The following ERBB4 variants were observed in gnomAD, a reference collection of about 807,000 sequenced individuals.
ERBB4 encodes receptor tyrosine-protein kinase erbB-4.
ERBB4 carries 42 observed loss-of-function variants against 158.0 expected under a neutral mutation model. The observed-to-expected ratio is 0.27, with a 90% CI of 0.21 to 0.34. The LOEUF (loss-of-function observed/expected upper bound fraction) is 0.34, where lower values mean the gene tolerates loss of function less well. ERBB4 is among the 10% of genes least tolerant of loss of function. ERBB4 has a pLI of 1.00. For synonymous variants in ERBB4, 583 were observed against 558.7 expected, an observed-to-expected ratio of 1.04 and a Z score of -0.61; for missense variants, 1,333 against 1,624.1, an observed-to-expected ratio of 0.82 and a Z score of 3.08.
chr2:212,338,471 G>A (rs10166488), intron 1 of ERBB4, among the ~76,000 whole-genome samples: 121,664 of 152,044 alleles, frequency 0.8, 48,881 homozygotes, highest in Middle Eastern at 0.87. Flanking sequence ...ATGTCTCATT[G>A]TGATGAAAAA....
At chr2:211,701,478 C>G (rs975440613) in intron 12 of ERBB4, among the ~76,000 whole-genome samples, 1 of 152,022 alleles carries the variant, frequency 6.6e-6, no homozygotes, top group Non-Finnish European at 1.5e-5. Context: ...GCAAGACGGC[C>G]GGGCGCGGTG....
At chr2:211,623,843 A>G in intron 18 of ERBB4, 79 bp downstream of exon 18, 2 of 1,412,264 alleles carry the variant, frequency 1.4e-6, no homozygotes, top group South Asian at 2.4e-5. Flanking sequence ...GGTTGTCTAA[A>G]GTAATAACTC....
intron 3 of ERBB4, among the ~76,000 whole-genome samples, chr2:211,832,157 C>T (rs1455693913): frequency 1.3e-5 from 2 of 152,026 alleles, no homozygotes; most frequent in African/African-American, 4.8e-5. Flanking sequence ...CATGTCACAG[C>T]ATTCAAATTA....
intron 20 of ERBB4, among the ~76,000 whole-genome samples, chr2:211,523,315 T>G (rs2066240723): frequency 6.7e-6 from 1 of 148,268 alleles, no homozygotes; most frequent in Admixed American, 6.9e-5. Context: ...AGCAGCTGCT[T>G]AGAAATCTAT....
chr2:211,566,563 AAG>A (rs1212327690), intron 19 of ERBB4, among the ~76,000 whole-genome samples: 3 of 152,286 alleles, frequency 2.0e-5, no homozygotes, highest in Non-Finnish European at 4.4e-5. Flanking sequence ...TGTAGTTATA[AAG>A]AGAGTATAGA....
intron 1 of ERBB4, among the ~76,000 whole-genome samples, chr2:212,425,628 T>C (rs550036554): frequency 6.6e-6 from 1 of 151,796 alleles, no homozygotes; most frequent in Non-Finnish European, 1.5e-5. Flanking sequence ...AGGACACATT[T>C]TTCAGATCTT....
chr2:211,866,175 C>T (rs914347486), intron 3 of ERBB4, among the ~76,000 whole-genome samples: 2 of 152,170 alleles, frequency 1.3e-5, no homozygotes, highest in African/African-American at 2.4e-5. Context: ...CGCCTGTACC[C>T]GGGAGGCGGG....
intron 1 of ERBB4, among the ~76,000 whole-genome samples, chr2:212,421,543 G>C (rs1001972833): frequency 1.8e-4 from 28 of 152,028 alleles, no homozygotes; most frequent in African/African-American, 6.5e-4. Flanking sequence ...ACTTTCCTTG[G>C]GAGCTGTCAT....
intron 12 of ERBB4, among the ~76,000 whole-genome samples, chr2:211,681,082 T>C (rs6435653): frequency 0.99 from 150,902 of 152,302 alleles, 74,758 homozygotes; most frequent in East Asian, 1. Flanking sequence ...GCATTTTCTA[T>C]AATTTTTAAT....
chr2:212,058,551 G>A (rs1279627162), intron 2 of ERBB4, among the ~76,000 whole-genome samples: 6 of 152,020 alleles, frequency 3.9e-5, no homozygotes, highest in Non-Finnish European at 5.9e-5. Flanking sequence ...ATAAAATACT[G>A]GCAAACTGAA....
At chr2:212,403,929 G>GC (rs2091276878) in intron 1 of ERBB4, among the ~76,000 whole-genome samples, 1 of 151,980 alleles carries the variant, frequency 6.6e-6, no homozygotes, top group African/African-American at 2.4e-5. Flanking sequence ...AGGCAGGCCT[G>GC]CTAGCCATAA....
chr2:212,060,945 A>T (rs1036956883), intron 2 of ERBB4, among the ~76,000 whole-genome samples: 4 of 149,616 alleles, frequency 2.7e-5, no homozygotes, highest in Non-Finnish European at 5.9e-5. Context: ...CGTACCCTAA[A>T]ACTTAAAGTA....
chr2:211,522,776 T>G (rs1225688004), intron 20 of ERBB4, among the ~76,000 whole-genome samples: 1 of 152,164 alleles, frequency 6.6e-6, no homozygotes, highest in East Asian at 1.9e-4. Context: ...CAATAAAGTA[T>G]TTTTTAATTA....
chr2:211,526,096 C>G (rs563710129), intron 20 of ERBB4, among the ~76,000 whole-genome samples: 19 of 152,006 alleles, frequency 1.2e-4, no homozygotes, highest in Admixed American at 1.2e-3. Flanking sequence ...GGGCCTGGAG[C>G]GAACATAGGT....
intron 1 of ERBB4, among the ~76,000 whole-genome samples, chr2:212,180,304 T>C (rs192354159): frequency 1.3e-5 from 2 of 151,222 alleles, no homozygotes; most frequent in East Asian, 3.9e-4. Context: ...ATAAGCATAT[T>C]TTTTTCTTGG....
chr2:211,601,533 G>A (rs1269682260), intron 19 of ERBB4, among the ~76,000 whole-genome samples: 1 of 151,746 alleles, frequency 6.6e-6, no homozygotes, highest in Non-Finnish European at 1.5e-5. Context: ...GGAAATTTTG[G>A]AAATACCAGA....
chr2:212,127,556 C>T (rs745401400), intron 1 of ERBB4, among the ~76,000 whole-genome samples: 1 of 152,132 alleles, frequency 6.6e-6, no homozygotes, highest in East Asian at 1.9e-4. Context: ...TGCGCCACTG[C>T]ACTCCAGCCT....
chr2:211,780,771 G>GT (rs5838286), intron 4 of ERBB4, among the ~76,000 whole-genome samples: 4,627 of 152,076 alleles, frequency 0.03, 258 homozygotes, highest in East Asian at 0.19. Context: ...AAGTTCTTTT[G>GT]TTTTTTGTTT....
chr2:211,465,044 T>C (rs1043190079), intron 20 of ERBB4, among the ~76,000 whole-genome samples: 1 of 150,876 alleles, frequency 6.6e-6, no homozygotes, highest in African/African-American at 2.4e-5. Flanking sequence ...TGCTGTGACA[T>C]GATGATAGCT....
Sources: gnomAD v4.1 joint callset for allele counts (sites outside exome capture counted in the v4.1 genomes callset) on GRCh38, gnomAD v4.1.1 for gene constraint, MANE v1.5 for transcripts, NCBI Gene and HGNC (gene_info 2026-07-23, HGNC 2026-07-21) for gene names.